OSBPL2: variants seen among roughly 807,000 people sequenced by gnomAD.
OSBPL2 encodes the protein oxysterol-binding protein-related protein 2.
Under a neutral mutation model 58.4 loss-of-function variants are expected in OSBPL2, and 18 were observed. The observed-to-expected ratio is 0.31, with a 90% CI of 0.21 to 0.46. OSBPL2 has a LOEUF of 0.46. Among genes scored for constraint, OSBPL2 ranks in the 20% least tolerant of loss-of-function variants. The pLI, the probability that OSBPL2 is intolerant of heterozygous loss-of-function variation, is 1.00. For missense variants in OSBPL2, 461 were observed against 616.5 expected (o/e 0.75, Z 2.67); for synonymous variants, 221 against 234.1 (o/e 0.94, Z 0.51).
chr20:62,283,985 T>G lies in OSBPL2; in HGVS notation c.873-61T>G, dbSNP rs1474958288. 19 of 1,525,482 alleles carry G rather than the reference T, an allele frequency of 1.2e-5. No individual in the cohort carries two copies. The Admixed American group carries it at 2.3e-4, about 19-fold the overall frequency. The allele number at this position is 1,525,482 out of a possible 1,614,324, so 94.5% of individuals were successfully genotyped here. A position where few individuals can be genotyped will look rare whatever the true frequency, so the allele number is the denominator to read the frequency against. ...GGGGAATTTATTCCAGGGTGCCACA[T>G]GTTTAGACAAATGGTTTGTAATGAC... is the stretch of plus-strand genomic sequence containing the variant. On this transcript the variant is annotated intron_variant, in intron 9 of 13. Transcript: ENST00000313733.
chr20:62,269,058 CAA>C lies in OSBPL2; in HGVS notation c.259-3054_259-3053del, dbSNP rs56127103. On this transcript the variant is annotated intron_variant, in intron 4 of 13. Transcript: ENST00000313733. This position sits in a 1 kb window ranked among gnomAD's most constrained non-coding sequence, Gnocchi z 4.2. ...TAGGCGACAGTGTGAGACTCCAACT[CAA>C]AAAAAAAAAAAATGTTTTTTTGTAG... is the stretch of plus-strand genomic sequence containing the variant. 5.2e-5 allele frequency among the ~76,000 whole-genome samples: 7 copies of C among 135,794 alleles called. No homozygotes were observed. Among genetic ancestry groups the C allele is most frequent in the Admixed American group, 7.4e-5 (1 of 13,546 alleles). The allele number at this position is 135,794 out of a possible 152,430, so 89.1% of individuals were successfully genotyped here. A position where few individuals can be genotyped will look rare whatever the true frequency, so the allele number is the denominator to read the frequency against.
chr20:62,243,816 C>A (rs932185106), intron 1 of OSBPL2, among the ~76,000 whole-genome samples: 3 of 149,920 alleles, frequency 2.0e-5, no homozygotes, highest in African/African-American at 4.9e-5. Context: ...AAAAAATGAA[C>A]GAAAAATTTT....
chr20:62,284,113 T>A lies in OSBPL2; in HGVS notation c.940T>A (p.Tyr314Asn). 2 of 1,614,182 alleles carry A rather than the reference T, an allele frequency of 1.2e-6. No individual in the cohort carries two copies. The highest frequency in any genetic ancestry group is 2.2e-5 in the South Asian group (2 of 91,080). ...TTTGTGGGGCATAGATCCTGTTTCG[T>A]ATGAATCCTTCAAGAAGCAGGAGAG... ...ECLWGIDPVS[Y>N]ESFKKQERRG... The change falls in exon 10 of 14, where the codon TAT becomes AAT. Residue 314 changes from tyrosine (Y) to asparagine (N), a missense_variant. Tyr to Asn is a moderately radical substitution (Grantham distance 143). Around this residue, in one of 5 missense-constraint regions of OSBPL2, gnomAD observed 319 missense variants for 419.2 expected, o/e 0.76. Coordinates refer to ENST00000313733, the MANE Select transcript of OSBPL2 (RefSeq NM_144498.4).
intron 10 of OSBPL2, 98 bp downstream of exon 10, chr20:62,284,267 C>A: frequency 1.4e-6 from 2 of 1,413,298 alleles, no homozygotes; most frequent in Non-Finnish European, 2.0e-6. Flanking sequence ...TCCCAGGGAA[C>A]CTTTGGGCCC....
chr20:62,261,233 T>G (rs1160765664), intron 3 of OSBPL2, among the ~76,000 whole-genome samples: 1 of 150,894 alleles, frequency 6.6e-6, no homozygotes, highest in Admixed American at 6.6e-5. Context: ...GGGGAATCAC[T>G]TGAACCCGGG....
intron 6 of OSBPL2, among the ~76,000 whole-genome samples, chr20:62,274,702 C>A (rs987060873): frequency 6.6e-6 from 1 of 152,144 alleles, no homozygotes; most frequent in African/African-American, 2.4e-5. Context: ...GAGCTCGCTC[C>A]GCCTGCCTGG....
At chr20:62,286,226 A>G (rs1983109761) in intron 10 of OSBPL2, 1 of 187,008 alleles carries the variant, frequency 5.3e-6, no homozygotes, top group South Asian at 9.8e-5. Flanking sequence ...AGGTGGGTGG[A>G]TTGCCTGAGG....
At chr20:62,286,762 C>G in intron 11 of OSBPL2, 51 bp downstream of exon 11, 1 of 1,571,880 alleles carries the variant, frequency 6.4e-7, no homozygotes, top group Non-Finnish European at 8.7e-7. Flanking sequence ...GTCACACCCA[C>G]CTCTGGGCCC....
At chr20:62,270,056 G>A (rs1412102439) in intron 4 of OSBPL2, among the ~76,000 whole-genome samples, 1 of 152,346 alleles carries the variant, frequency 6.6e-6, no homozygotes, top group South Asian at 2.1e-4. Context: ...CAGCACGGAC[G>A]CTGAGTTTTG....
chr20:62,252,824 G>A (rs933462611), intron 1 of OSBPL2, among the ~76,000 whole-genome samples: 18 of 152,374 alleles, frequency 1.2e-4, no homozygotes, highest in Admixed American at 3.3e-4. Flanking sequence ...CACATGGCGC[G>A]AGGAGGAGTG....
At position 62,294,502 on chromosome 20, in the gene OSBPL2, T is replaced by C. The variant is rs1983735037; in HGVS notation, c.*615T>C. 6.5e-6 allele frequency: 1 copy of C among 152,778 alleles called. No homozygotes were observed. Among genetic ancestry groups the C allele is most frequent in the Non-Finnish European group, 1.5e-5 (1 of 68,142 alleles). 9.5% of individuals were successfully genotyped at this position (152,778 alleles called of 1,614,324 possible). A position where few individuals can be genotyped will look rare whatever the true frequency, so the allele number is the denominator to read the frequency against. On this transcript the variant is annotated 3_prime_UTR_variant, in exon 14 of 14. Transcript: ENST00000313733. ...AATATTTAAGTTAAAACTACTTGAA[T>C]AGTATTTTGCTGAAGAGCAAGATAT...
rs1983313385 is a variant in OSBPL2 at position 62,288,905 on chromosome 20, G to C, written c.1126-302G>C. Among the ~76,000 whole-genome samples the C allele has an allele frequency of 6.6e-6, 1 of 152,140 alleles. No homozygotes were observed. Among genetic ancestry groups the C allele is most frequent in the African/African-American group, 2.4e-5 (1 of 41,418 alleles). ...CAGTGGGAGACAGGTGGCGTGGCTG[G>C]AGTGTTTCCAGCAAGCTGGTGACAA... On this transcript the variant is annotated intron_variant, in intron 11 of 13. Transcript: ENST00000313733. This position sits in a 1 kb window ranked among gnomAD's most constrained non-coding sequence, Gnocchi z 4.8.
At chr20:62,291,231 T>C (rs1026948006) in intron 12 of OSBPL2, 9 of 229,916 alleles carry the variant, frequency 3.9e-5, no homozygotes, top group African/African-American at 1.4e-4. Flanking sequence ...TAACTTCTCA[T>C]GCTTTGTATT....
intron 4 of OSBPL2, among the ~76,000 whole-genome samples, chr20:62,265,171 C>G (rs972110061): frequency 1.3e-5 from 2 of 152,058 alleles, no homozygotes; most frequent in Non-Finnish European, 2.9e-5. Flanking sequence ...CTCGTTCGTT[C>G]TTCTACCTTT....
At position 62,286,428 on chromosome 20, in the gene OSBPL2, C is replaced by A. The variant is rs560650798; in HGVS notation, c.997-155C>A. On this transcript the variant is annotated intron_variant, in intron 10 of 13. Transcript: ENST00000313733. ...TCGCACCATTGCACTCCAGCCTGGG[C>A]AACAGAGCGAGACTCCGTCTGAAAA... 11 of 774,642 alleles carry A rather than the reference C, an allele frequency of 1.4e-5. No individual in the cohort carries two copies. In the East Asian group the frequency reaches 2.9e-4, roughly 20 times the overall value. The allele number at this position is 774,642 out of a possible 1,614,324, so 48.0% of individuals were successfully genotyped here. A position where few individuals can be genotyped will look rare whatever the true frequency, so the allele number is the denominator to read the frequency against.
chr20:62,257,904 G>A (rs142856277), intron 2 of OSBPL2, among the ~76,000 whole-genome samples: 2,352 of 152,126 alleles, frequency 0.015, 29 homozygotes, highest in Non-Finnish European at 0.023. Context: ...TAGTAGAGAC[G>A]GGGTTTCACC....
At chr20:62,242,184 T>C (rs1271592245) in intron 1 of OSBPL2, 1 of 152,228 alleles carries the variant, frequency 6.6e-6, no homozygotes, top group Non-Finnish European at 1.5e-5. Context: ...GGCTGCTGGT[T>C]TGGGCTAGGG....
intron 9 of OSBPL2, 186 bp downstream of exon 9, chr20:62,282,065 A>C (rs1412006788): frequency 4.6e-6 from 2 of 439,388 alleles, no homozygotes; most frequent in Non-Finnish European, 8.3e-6. Context: ...ATTGAGCATA[A>C]AAGGAAATAA....
In OSBPL2 at chr20:62,269,383, G is replaced by A. The variant is rs1288308822; in HGVS notation, c.259-2742G>A. On this transcript the variant is annotated intron_variant, in intron 4 of 13. Transcript: ENST00000313733. This position sits in a 1 kb window ranked among gnomAD's most constrained non-coding sequence, Gnocchi z 4.2. ...CTCTGTGGGATAGGTTCCTAGAAGTGGGGCTGCTGGGTCAGGGGCAAATAC... is the reference window on the plus strand; with the variant it reads ...CTCTGTGGGATAGGTTCCTAGAAGTAGGGCTGCTGGGTCAGGGGCAAATAC... Among the ~76,000 whole-genome samples the A allele has an allele frequency of 6.6e-6, 1 of 152,206 alleles. No individual in the cohort carries two copies. The highest frequency in any genetic ancestry group is 1.5e-5 in the Non-Finnish European group (1 of 68,030).
Sources: gnomAD v4.1 joint callset for allele counts (sites outside exome capture counted in the v4.1 genomes callset) on GRCh38, gnomAD v4.1.1 for gene constraint, gnomAD v4.1.1 regional missense constraint, Gnocchi (gnomAD v3.1) non-coding constraint, MANE v1.5 for transcripts, NCBI Gene and HGNC (gene_info 2026-07-23, HGNC 2026-07-21) for gene names.